The following LINGO2 variants were observed in gnomAD, a reference collection of about 807,000 sequenced individuals.
The protein encoded by LINGO2 is leucine-rich repeat and immunoglobulin-like domain-containing nogo receptor-interacting protein 2.
In LINGO2, 14 loss-of-function variants were observed where a neutral mutation model predicts 30.6. That is an observed-to-expected ratio of 0.46 (90% CI 0.30 to 0.72). LINGO2 has a LOEUF of 0.72. Among genes scored for constraint, LINGO2 ranks in the 30% least tolerant of loss-of-function variants. The pLI, the probability that LINGO2 is intolerant of heterozygous loss-of-function variation, is 0.07. For synonymous variants in LINGO2, 317 were observed against 288.5 expected (o/e 1.10, Z -1.00); for missense variants, 729 against 751.7 (o/e 0.97, Z 0.35).
At chr9:28,022,877 G>GTTTTA (rs1215081783) in intron 4 of LINGO2, among the ~76,000 whole-genome samples, 7 of 150,312 alleles carry the variant, frequency 4.7e-5, no homozygotes, top group Non-Finnish European at 8.8e-5. Flanking sequence ...TTTTTGTTTT[G>GTTTTA]TTTTGTTTTT....
intron 4 of LINGO2, among the ~76,000 whole-genome samples, chr9:28,062,659 T>C (rs1825189483): frequency 1.4e-5 from 2 of 147,646 alleles, no homozygotes; most frequent in Admixed American, 1.4e-4. Context: ...ATATATTTTG[T>C]ATATATACAA....
At chr9:28,139,880 C>T (rs1191525274) in intron 4 of LINGO2, among the ~76,000 whole-genome samples, 1 of 152,074 alleles carries the variant, frequency 6.6e-6, no homozygotes, top group African/African-American at 2.4e-5. Flanking sequence ...CTTACTAATC[C>T]TCTTGGATAA....
At chr9:28,780,762 T>C in the LINGO2 span, among the ~76,000 whole-genome samples, 2 of 151,802 alleles carry the variant, frequency 1.3e-5, no homozygotes, top group Non-Finnish European at 2.9e-5. Context: ...CCAATAATAA[T>C]GCACACAAAC....
At chr9:28,989,494 G>A in the LINGO2 span, among the ~76,000 whole-genome samples, 2 of 152,070 alleles carry the variant, frequency 1.3e-5, no homozygotes, top group Non-Finnish European at 2.9e-5. Flanking sequence ...TATTAGAAAG[G>A]ATATTAGACT....
the LINGO2 span, among the ~76,000 whole-genome samples, chr9:28,757,085 A>G: frequency 6.6e-6 from 1 of 152,002 alleles, no homozygotes; most frequent in Non-Finnish European, 1.5e-5. Flanking sequence ...TTTAGCTTTA[A>G]CCAGTTTATT....
At chr9:28,772,976 C>T in the LINGO2 span, among the ~76,000 whole-genome samples, 2,485 of 152,166 alleles carry the variant, frequency 0.016, 57 homozygotes, top group African/African-American at 0.057. Flanking sequence ...TATCACGTTG[C>T]CTTGAGAGAT....
the LINGO2 span, among the ~76,000 whole-genome samples, chr9:29,082,368 G>A: frequency 1.3e-5 from 2 of 152,100 alleles, no homozygotes; most frequent in Non-Finnish European, 2.9e-5. Flanking sequence ...GGGAAAACTG[G>A]CTAGCCATAT....
chr9:29,150,683 A>G, the LINGO2 span, among the ~76,000 whole-genome samples: 1 of 152,210 alleles, frequency 6.6e-6, no homozygotes, highest in East Asian at 1.9e-4. Flanking sequence ...GAGCTCGAAG[A>G]CCAGTTATTT....
At chr9:28,235,454 C>G (rs1821527892) in intron 4 of LINGO2, among the ~76,000 whole-genome samples, 1 of 152,086 alleles carries the variant, frequency 6.6e-6, no homozygotes, top group South Asian at 2.1e-4. Flanking sequence ...CTATAAGCAT[C>G]AACACTATCC....
intron 3 of LINGO2, among the ~76,000 whole-genome samples, chr9:28,309,443 G>T (rs1409803398): frequency 6.6e-6 from 1 of 150,612 alleles, no homozygotes; most frequent in Non-Finnish European, 1.5e-5. Flanking sequence ...GGGGTGGCGG[G>T]AGGGGGGAGG....
At chr9:29,045,536 A>G in the LINGO2 span, among the ~76,000 whole-genome samples, 12 of 152,102 alleles carry the variant, frequency 7.9e-5, no homozygotes, top group Admixed American at 7.9e-4. Context: ...GACCATTTCA[A>G]TAGATGCTGA....
chr9:28,976,621 A>G, the LINGO2 span, among the ~76,000 whole-genome samples: 1 of 152,250 alleles, frequency 6.6e-6, no homozygotes, highest in African/African-American at 2.4e-5. Flanking sequence ...AATTTCCCTC[A>G]TGTTATCTAT....
the LINGO2 span, among the ~76,000 whole-genome samples, chr9:28,793,052 G>T: frequency 6.6e-6 from 1 of 152,228 alleles, no homozygotes; most frequent in East Asian, 1.9e-4. Context: ...CACACACCAT[G>T]AGTATATACT....
chr9:28,246,197 A>C (rs1035140481), intron 4 of LINGO2, among the ~76,000 whole-genome samples: 6 of 152,072 alleles, frequency 3.9e-5, no homozygotes, highest in African/African-American at 1.4e-4. Flanking sequence ...ATGCTGAGGC[A>C]GGTGGATCAT....
chr9:28,580,325 A>G (rs1216382691), intron 1 of LINGO2, among the ~76,000 whole-genome samples: 2 of 152,058 alleles, frequency 1.3e-5, no homozygotes, highest in African/African-American at 2.4e-5. Flanking sequence ...AGCAGATAAC[A>G]CATCAACAAA....
intron 3 of LINGO2, among the ~76,000 whole-genome samples, chr9:28,364,730 G>C (rs1820591745): frequency 1.3e-5 from 2 of 152,170 alleles, no homozygotes; most frequent in African/African-American, 4.8e-5. Flanking sequence ...AACAAGAAAA[G>C]AGTCTATCTG....
intron 4 of LINGO2, among the ~76,000 whole-genome samples, chr9:28,271,178 C>A (rs2134088699): frequency 6.6e-6 from 1 of 151,360 alleles, no homozygotes; most frequent in South Asian, 2.1e-4. Context: ...ACACAAAAAA[C>A]TTAGAACTTT....
the LINGO2 span, among the ~76,000 whole-genome samples, chr9:28,935,913 T>C: frequency 6.6e-6 from 1 of 152,048 alleles, no homozygotes; most frequent in East Asian, 1.9e-4. Context: ...TTTGTTTTGT[T>C]AGAGAAACAA....
At chr9:28,448,405 G>A (rs371668710) in intron 2 of LINGO2, among the ~76,000 whole-genome samples, 11 of 152,218 alleles carry the variant, frequency 7.2e-5, no homozygotes, top group African/African-American at 2.6e-4. Flanking sequence ...GCATTCTGAT[G>A]TTTAAATTTC....
Sources: gnomAD v4.1 joint callset for allele counts (sites outside exome capture counted in the v4.1 genomes callset) on GRCh38, gnomAD v4.1.1 for gene constraint, MANE v1.5 for transcripts, NCBI Gene and HGNC (gene_info 2026-07-23, HGNC 2026-07-21) for gene names.